The following IBTK variants were observed in gnomAD, a reference collection of about 807,000 sequenced individuals.
The protein encoded by IBTK is inhibitor of Bruton tyrosine kinase, also known as BTK-binding protein.
Under a neutral mutation model 154.9 loss-of-function variants are expected in IBTK, and 83 were observed. The observed-to-expected ratio is 0.54, with a 90% confidence interval of 0.45 to 0.64. The LOEUF (loss-of-function observed/expected upper bound fraction) is 0.64. Ranked by LOEUF, IBTK falls within the 30% of genes least tolerant of loss-of-function variation. The probability of loss-of-function intolerance (pLI) is 0.00; values close to 1 mark genes in which losing one functional copy is unlikely to be tolerated. For missense variants in IBTK, 1,332 were observed against 1,584.6 expected, an observed-to-expected ratio of 0.84 and a Z score of 2.71; for synonymous variants, 515 against 536.1, an observed-to-expected ratio of 0.96 and a Z score of 0.54.
At chr6:82,204,980 G>T in intron 16 of IBTK, 22 bp from the exon 17 acceptor site, 1 of 1,487,250 alleles carries the variant, frequency 6.7e-7, no homozygotes, top group Non-Finnish European at 9.2e-7. Flanking sequence ...AAGAAAACAA[G>T]CATCACTTTT....
chr6:82,195,609 G>C lies in IBTK; in HGVS notation c.3174+689C>G, dbSNP rs1025756310. On this transcript the variant is annotated intron_variant, in intron 22 of 28. Transcript: ENST00000306270. Reference sequence around the variant, plus strand: ...AAAAAAAATCAAATCAATCCTTGAGGCCTAAAAGACTCTAAGAAGAAAGGG... The same window carrying C: ...AAAAAAAATCAAATCAATCCTTGAGCCCTAAAAGACTCTAAGAAGAAAGGG... Among the ~76,000 whole-genome samples the C allele has an allele frequency of 7.2e-5, 11 of 152,082 alleles. No individual in the cohort carries two copies. In the East Asian group the frequency reaches 2.1e-3, roughly 29 times the overall value.
At chr6:82,243,209 C>T (rs1771020832) in intron 1 of IBTK, among the ~76,000 whole-genome samples, 1 of 150,510 alleles carries the variant, frequency 6.6e-6, no homozygotes, top group Admixed American at 6.6e-5. Flanking sequence ...CCACTGCACT[C>T]CAGCCTGGGC....
intron 22 of IBTK, among the ~76,000 whole-genome samples, chr6:82,195,632 G>A (rs1218828058): frequency 1.3e-5 from 2 of 151,996 alleles, no homozygotes; most frequent in Non-Finnish European, 2.9e-5. Flanking sequence ...TAAGAAGAAA[G>A]GGTAAACTTC....
At chr6:82,175,043 G>T (rs753833636) in intron 26 of IBTK, 2 of 455,450 alleles carry the variant, frequency 4.4e-6, no homozygotes, top group South Asian at 1.6e-5. Context: ...TGTTATTATT[G>T]TTTACATGTC....
At chr6:82,243,804 C>T (rs1003011188) in intron 1 of IBTK, among the ~76,000 whole-genome samples, 9 of 152,272 alleles carry the variant, frequency 5.9e-5, no homozygotes, top group Middle Eastern at 6.8e-3. Context: ...GAACTACTTA[C>T]TGGTGAATCA....
intron 26 of IBTK, among the ~76,000 whole-genome samples, chr6:82,175,848 G>T (rs569089091): frequency 2.6e-5 from 4 of 151,956 alleles, no homozygotes; most frequent in Admixed American, 6.6e-5. Flanking sequence ...TGACCAACAT[G>T]GAGAAATCCC....
rs746500618 is a variant in IBTK at position 82,202,555 on chromosome 6, A to T, written c.2702T>A (p.Leu901Ter). ...LKLSCLQFIG[L>*]NMAALLEARS... ...TGCTTCAAGTAAAGCTGCCATATTC[A>T]ATCCTATAAACTGTAAACAAGACAG... The change falls in exon 18 of 29, where the codon TTG becomes TAG. Residue 901 changes from leucine to a stop codon, truncating the protein, a stop_gained. Coordinates refer to ENST00000306270, the MANE Select transcript of IBTK (RefSeq NM_015525.4). LOFTEE classifies it high-confidence loss of function. The T allele has an allele frequency of 6.2e-7, 1 of 1,607,978 alleles. No homozygotes were observed. The highest frequency in any genetic ancestry group is 8.5e-7 in the Non-Finnish European group (1 of 1,176,576).
intron 22 of IBTK, among the ~76,000 whole-genome samples, chr6:82,196,023 C>T (rs1462822392): frequency 6.6e-6 from 1 of 152,038 alleles, no homozygotes. Context: ...TATATTTTTT[C>T]AACATGTCTA....
At chr6:82,221,962 C>T (rs1445221397) in intron 8 of IBTK, among the ~76,000 whole-genome samples, 2 of 151,984 alleles carry the variant, frequency 1.3e-5, no homozygotes, top group African/African-American at 2.4e-5. Flanking sequence ...GTCAGGAGTT[C>T]GAGACCAACC....
chr6:82,180,161 T>C (rs1768266107), intron 26 of IBTK, among the ~76,000 whole-genome samples: 2 of 152,196 alleles, frequency 1.3e-5, no homozygotes, highest in Admixed American at 1.3e-4. Context: ...TATAAGCCTA[T>C]CATAATTATA....
In IBTK at chr6:82,178,410, C is replaced by A. The variant is rs1014663930; in HGVS notation, c.3725+3469G>T. 1.4e-4 allele frequency among the ~76,000 whole-genome samples: 21 copies of A among 152,056 alleles called. No homozygotes were observed. In the South Asian group the frequency reaches 2.3e-3, roughly 17 times the overall value. On this transcript the variant is annotated intron_variant, in intron 26 of 28. Transcript: ENST00000306270. ...TATTAATATTTAAAATATAAAAATACAAAACTTATCTTAATTTTCATACCT... is the reference window on the plus strand; with the variant it reads ...TATTAATATTTAAAATATAAAAATAAAAAACTTATCTTAATTTTCATACCT...
intron 3 of IBTK, among the ~76,000 whole-genome samples, chr6:82,233,715 T>TTTTG (rs1770606579): frequency 6.8e-6 from 1 of 147,430 alleles, no homozygotes; most frequent in Non-Finnish European, 1.5e-5. Context: ...TGTAAAGTTT[T>TTTTG]TTTTTTTTTT....
intron 17 of IBTK, among the ~76,000 whole-genome samples, chr6:82,203,592 T>G (rs1315446524): frequency 6.6e-6 from 1 of 152,130 alleles, no homozygotes; most frequent in African/African-American, 2.4e-5. Context: ...GTTGTTCACA[T>G]GGGAACAAGT....
intron 1 of IBTK, among the ~76,000 whole-genome samples, chr6:82,243,899 G>A (rs1012338977): frequency 4.6e-5 from 7 of 152,014 alleles, no homozygotes; most frequent in Admixed American, 2.0e-4. Flanking sequence ...ATTTAAAGGG[G>A]GGAAAAAAGA....
rs1767919517 is a variant in IBTK, at chr6:82,171,294, A to G, written c.*131T>C. 1.7e-6 allele frequency: 1 copy of G among 596,452 alleles called. No homozygotes were observed. The highest frequency in any genetic ancestry group is 3.3e-5 in the East Asian group (1 of 30,718). 36.9% of individuals were successfully genotyped at this position (596,452 alleles called of 1,614,324 possible). ...TACAAACATTATATGATTTAACTGC[A>G]GTAAAGAAATTATATCTTTTCTTAA... is the stretch of plus-strand genomic sequence containing the variant. On this transcript the variant is annotated 3_prime_UTR_variant, in exon 29 of 29. Coordinates refer to ENST00000306270, the MANE Select transcript of IBTK (RefSeq NM_015525.4).
At chr6:82,213,704 T>C (rs989593870) in intron 12 of IBTK, among the ~76,000 whole-genome samples, 2 of 152,152 alleles carry the variant, frequency 1.3e-5, no homozygotes, top group Non-Finnish European at 2.9e-5. Context: ...TCCAGATCCC[T>C]GTTACATACA....
chr6:82,238,440 T>C (rs2127828658), intron 2 of IBTK, among the ~76,000 whole-genome samples: 1 of 152,114 alleles, frequency 6.6e-6, no homozygotes, highest in South Asian at 2.1e-4. Context: ...TAAACAATTT[T>C]AATGATTTTT....
At chr6:82,241,330 C>T (rs1340636282) in intron 1 of IBTK, among the ~76,000 whole-genome samples, 2 of 152,066 alleles carry the variant, frequency 1.3e-5, no homozygotes, top group Non-Finnish European at 2.9e-5. Flanking sequence ...ACCTATACCC[C>T]CTAAAACTGT....
At chr6:82,182,627 A>G (rs1379836965) in intron 25 of IBTK, among the ~76,000 whole-genome samples, 1 of 152,194 alleles carries the variant, frequency 6.6e-6, no homozygotes, top group Non-Finnish European at 1.5e-5. Context: ...GGTGGAAGAT[A>G]TAAATTTAAA....
Sources: gnomAD v4.1 joint callset for allele counts (sites outside exome capture counted in the v4.1 genomes callset) on GRCh38, gnomAD v4.1.1 for gene constraint, MANE v1.5 for transcripts, NCBI Gene and HGNC (gene_info 2026-07-23, HGNC 2026-07-21) for gene names.